C10orf53: variants seen among roughly 807,000 people sequenced by gnomAD.
C10orf53 encodes chromosome 10 open reading frame 53.
A neutral mutation model predicts 9.4 loss-of-function variants in C10orf53; 8 were observed. The observed-to-expected ratio is 0.85, with a 90% CI of 0.50 to 1.53. The LOEUF is 1.53. C10orf53 is among the 40% of genes most tolerant of loss of function. C10orf53 has a pLI of 0.00. For synonymous variants in C10orf53, 48 were observed against 46.0 expected, an observed-to-expected ratio of 1.04 and a Z score of -0.18; for missense variants, 117 against 117.8, an observed-to-expected ratio of 0.99 and a Z score of 0.03.
intron 1 of C10orf53, among the ~76,000 whole-genome samples, chr10:49,689,764 T>A (rs1474652354): frequency 6.6e-6 from 1 of 152,174 alleles, no homozygotes; most frequent in South Asian, 2.1e-4. Context: ...CTGAATGCCA[T>A]GGTCTTACTG....
At chr10:49,706,747 C>T (rs922476364) in intron 2 of C10orf53, among the ~76,000 whole-genome samples, 1 of 152,070 alleles carries the variant, frequency 6.6e-6, no homozygotes, top group African/African-American at 2.4e-5. Flanking sequence ...TACCTAACTA[C>T]CAAAAAACGT....
chr10:49,708,631 G>T, exon 3 of C10orf53: 5 of 1,612,424 alleles, frequency 3.1e-6, no homozygotes, highest in Non-Finnish European at 4.2e-6. Context: ...CGACAGGACA[G>T]ATTGTGGGAA....
chr10:49,684,648 C>T (rs568798837), intron 1 of C10orf53, among the ~76,000 whole-genome samples: 1 of 152,228 alleles, frequency 6.6e-6, no homozygotes, highest in Middle Eastern at 3.4e-3. Context: ...ATCTCCTTTT[C>T]AGATCAATCA....
At chr10:49,687,698 G>T (rs1478335557) in intron 1 of C10orf53, among the ~76,000 whole-genome samples, 3 of 152,202 alleles carry the variant, frequency 2.0e-5, no homozygotes. Flanking sequence ...AGTTCTTATT[G>T]TTCCTGAGGA....
chr10:49,703,614 T>C (rs566459044), intron 2 of C10orf53, among the ~76,000 whole-genome samples: 1 of 152,314 alleles, frequency 6.6e-6, no homozygotes, highest in South Asian at 2.1e-4. Context: ...TGAAGGGAAC[T>C]TGGTCACCAC....
At chr10:49,684,079 C>A (rs1018589926) in intron 1 of C10orf53, among the ~76,000 whole-genome samples, 14 of 152,092 alleles carry the variant, frequency 9.2e-5, no homozygotes, top group African/African-American at 3.4e-4. Context: ...TCCAATTATC[C>A]CAAGACCTTT....
At position 49,695,000 on chromosome 10, in the gene C10orf53, G is replaced by C; in HGVS notation, c.*398G>C. ...TGCTCAGAACAGGTGAAATTAAAGA[G>C]AGGTTGGGGGAAGAGTGGGAATAAA... is the stretch of plus-strand genomic sequence containing the variant. On this transcript the variant is annotated 3_prime_UTR_variant, in exon 3 of 3. Coordinates refer to ENST00000374111, the MANE Select transcript of C10orf53 (RefSeq NM_001042427.3). The C allele has an allele frequency of 1.1e-6, 1 of 951,514 alleles. No homozygotes were observed. The highest frequency in any genetic ancestry group is 1.3e-6 in the Non-Finnish European group (1 of 796,862). 58.9% of individuals were successfully genotyped at this position (951,514 alleles called of 1,614,324 possible).
rs1590645381 is a variant in C10orf53, at chr10:49,695,909, C to T, written c.*1307C>T. ...TACATTTAGTCCCTTTTTTTCAAAACCCAGTTTAAGTTACTATAGATGTAG... is the reference window on the plus strand; with the variant it reads ...TACATTTAGTCCCTTTTTTTCAAAATCCAGTTTAAGTTACTATAGATGTAG... On this transcript the variant is annotated 3_prime_UTR_variant, in exon 3 of 3. Transcript: ENST00000374111. 2.6e-5 allele frequency: 4 copies of T among 152,086 alleles called. No homozygotes were observed. Among genetic ancestry groups the T allele is most frequent in the Admixed American group, 2.6e-4 (4 of 15,282 alleles). 9.4% of individuals were successfully genotyped at this position (152,086 alleles called of 1,614,324 possible). A position where few individuals can be genotyped will look rare whatever the true frequency, so the allele number is the denominator to read the frequency against.
intron 2 of C10orf53, among the ~76,000 whole-genome samples, chr10:49,707,481 C>T (rs1056102754): frequency 2.0e-5 from 3 of 152,320 alleles, no homozygotes; most frequent in African/African-American, 7.2e-5. Context: ...GAACCAGGTT[C>T]AGGCAAAAAT....
chr10:49,699,618 C>T (rs921179449), downstream of C10orf53, among the ~76,000 whole-genome samples: 3 of 151,606 alleles, frequency 2.0e-5, no homozygotes, highest in African/African-American at 7.3e-5. Flanking sequence ...TTGCAGGGGG[C>T]ACTCCAGTTT....
Position 49,679,733 on chromosome 10 carries a change from GC to G in C10orf53, c.39del (p.Tyr14ThrfsTer24), listed in dbSNP as rs374622847. On this transcript the variant is annotated frameshift_variant, in exon 1 of 3. Transcript: ENST00000374111. LOFTEE classifies it high-confidence loss of function. ...KNAVVILRYGPYSAAGLPVEH... is the reference protein window; with the variant it reads ...KNAVVILRYGXYSAAGLPVEH... ...ACGCAGTGGTCATCCTGCGCTATGG[GC>G]CCTACAGCGCGGCAGGCCTACCGGT... 4.7e-4 allele frequency: 728 copies of G among 1,548,018 alleles called. 5 individuals are homozygous for G. In the African/African-American group the frequency reaches 9.3e-3, roughly 20 times the overall value.
intron 1 of C10orf53, among the ~76,000 whole-genome samples, chr10:49,692,955 G>C (rs1241553051): frequency 1.3e-5 from 2 of 151,972 alleles, no homozygotes; most frequent in Non-Finnish European, 2.9e-5. Context: ...AAAGAATAAA[G>C]AGAAAAAAGT....
chr10:49,697,735 A>G (rs528430278), downstream of C10orf53, among the ~76,000 whole-genome samples: 7 of 152,128 alleles, frequency 4.6e-5, no homozygotes, highest in Admixed American at 4.6e-4. Flanking sequence ...TGTTTTTAGT[A>G]AAGACGGGCT....
intron 2 of C10orf53, among the ~76,000 whole-genome samples, chr10:49,706,362 A>C (rs1483021787): frequency 1.3e-5 from 2 of 152,272 alleles, no homozygotes; most frequent in African/African-American, 4.8e-5. Flanking sequence ...ATGAATAAGC[A>C]AAATGTGGTC....
At chr10:49,699,190 CTTTTTTTTTTTT>C (rs67695235), downstream of C10orf53, among the ~76,000 whole-genome samples, 2 of 64,892 alleles carry the variant, frequency 3.1e-5, no homozygotes, top group East Asian at 6.1e-4. Flanking sequence ...GTGGCTCAAT[CTTTTTTTTTTTT>C]TTTTTTTTTT....
At chr10:49,706,998 C>T (rs1159141051) in intron 2 of C10orf53, among the ~76,000 whole-genome samples, 4 of 152,200 alleles carry the variant, frequency 2.6e-5, no homozygotes, top group African/African-American at 9.6e-5. Flanking sequence ...GGAAAACAAT[C>T]CTTTACTCCT....
At chr10:49,701,427 T>A (rs1564508636), downstream of C10orf53, among the ~76,000 whole-genome samples, 1 of 152,196 alleles carries the variant, frequency 6.6e-6, no homozygotes, top group Non-Finnish European at 1.5e-5. Context: ...ATTTTACACT[T>A]AGAAGTATAT....
intron 1 of C10orf53, among the ~76,000 whole-genome samples, chr10:49,685,987 T>C (rs1388256745): frequency 1.3e-5 from 2 of 152,174 alleles, no homozygotes; most frequent in African/African-American, 2.4e-5. Flanking sequence ...CTTGAGGGCA[T>C]CCCACAGGTC....
downstream of C10orf53, among the ~76,000 whole-genome samples, chr10:49,698,677 T>C (rs1236847658): frequency 6.6e-6 from 1 of 152,194 alleles, no homozygotes; most frequent in African/African-American, 2.4e-5. Context: ...GGAACTATTC[T>C]TCCCAAACTG....
Sources: gnomAD v4.1 joint callset for allele counts (sites outside exome capture counted in the v4.1 genomes callset) on GRCh38, gnomAD v4.1.1 for gene constraint, MANE v1.5 for transcripts, NCBI Gene and HGNC (gene_info 2026-07-23, HGNC 2026-07-21) for gene names.